Variants in ONECUT3 observed in about 807,000 individuals in gnomAD.
The protein encoded by ONECUT3 is one cut domain family member 3.
In ONECUT3, 11 loss-of-function variants were observed where a neutral mutation model predicts 16.8. The ratio of observed to expected loss-of-function variants is 0.66; its 90% confidence interval spans 0.41 to 1.09. ONECUT3 has a LOEUF of 1.09. ONECUT3 is among the 50% of genes least tolerant of loss of function. ONECUT3 has a pLI of 0.00. For missense variants in ONECUT3, 637 were observed against 629.9 expected, an observed-to-expected ratio of 1.01 and a Z score of -0.12; for synonymous variants, 344 against 310.7, an observed-to-expected ratio of 1.11 and a Z score of -1.13.
rs1461014469 is a variant in ONECUT3 at position 1,778,067 on chromosome 19, C to T, written c.*2622C>T. 6.8e-6 allele frequency: 1 copy of T among 146,464 alleles called. No individual in the cohort carries two copies. Among genetic ancestry groups the T allele is most frequent in the African/African-American group, 2.5e-5 (1 of 39,330 alleles). 9.1% of individuals were successfully genotyped at this position (146,464 alleles called of 1,614,324 possible). A position where few individuals can be genotyped will look rare whatever the true frequency, so the allele number is the denominator to read the frequency against. On this transcript the variant is annotated 3_prime_UTR_variant, in exon 2 of 2. Transcript: ENST00000382349. ...CCATTCAACATACCATATTATTTGT[C>T]TTTATACCAAGGTAGCCTATAGATA...
In ONECUT3 at chr19:1,780,836, G is replaced by C. The variant is rs1295788768; in HGVS notation, c.*5391G>C. ...AAGAGCCAGGAGGCCCTGCGGCCTT[G>C]AGTGTTTTGAATAGACTGGAACTGA... On this transcript the variant is annotated 3_prime_UTR_variant, in exon 2 of 2. Coordinates refer to ENST00000382349, the MANE Select transcript of ONECUT3 (RefSeq NM_001080488.2). 6.6e-6 allele frequency: 1 copy of C among 152,146 alleles called. No homozygotes were observed. Among genetic ancestry groups the C allele is most frequent in the Non-Finnish European group, 1.5e-5 (1 of 68,058 alleles). The allele number at this position is 152,146 out of a possible 1,614,324, so 9.4% of individuals were successfully genotyped here.
rs1253824039 is a variant in ONECUT3 at position 1,764,520 on chromosome 19, T to C, written c.1192+9666T>C. ...GCGTGAGATGTGGGCAGGGCAGGCA[T>C]GGGGAGGGTAAGCCACCCAGAGTGG... On this transcript the variant is annotated intron_variant, in intron 1 of 1. Transcript: ENST00000382349. The surrounding 1 kb of genome is among the most constrained non-coding windows in gnomAD (Gnocchi z 5.0). 6.7e-6 allele frequency among the ~76,000 whole-genome samples: 1 copy of C among 148,344 alleles called. No individual in the cohort carries two copies. The highest frequency in any genetic ancestry group is 2.0e-4 in the East Asian group (1 of 5,018).
intron 1 of ONECUT3, among the ~76,000 whole-genome samples, chr19:1,763,894 G>A (rs972344684): frequency 3.3e-5 from 5 of 152,034 alleles, no homozygotes; most frequent in African/African-American, 1.2e-4. Context: ...TCCCCGCCCC[G>A]CTGACATTTA....
intron 1 of ONECUT3, among the ~76,000 whole-genome samples, chr19:1,773,073 T>G (rs752427874): frequency 1.1e-4 from 17 of 152,116 alleles, no homozygotes; most frequent in Non-Finnish European, 1.2e-4. Context: ...ATATTCACAT[T>G]TTAAGAGCAT....
At chr19:1,763,487 A>G (rs1392931510) in intron 1 of ONECUT3, among the ~76,000 whole-genome samples, 1 of 150,854 alleles carries the variant, frequency 6.6e-6, no homozygotes, top group Non-Finnish European at 1.5e-5. Flanking sequence ...TCGAGGCTGC[A>G]GTGAGACATG....
In ONECUT3 at chr19:1,762,268, C is replaced by T. The variant is rs935965306; in HGVS notation, c.1192+7414C>T. 1.3e-5 allele frequency among the ~76,000 whole-genome samples: 2 copies of T among 152,206 alleles called. No homozygotes were observed. The highest frequency in any genetic ancestry group is 2.9e-5 in the Non-Finnish European group (2 of 68,024). ...CCAGCCCTCCAACCCTCCTGCCCTC[C>T]TGCCCTCCTGCCCTCCTCTCTGGGA... is the stretch of plus-strand genomic sequence containing the variant. On this transcript the variant is annotated intron_variant, in intron 1 of 1. Transcript: ENST00000382349. The surrounding 1 kb of genome is among the most constrained non-coding windows in gnomAD (Gnocchi z 4.4).
intron 1 of ONECUT3, among the ~76,000 whole-genome samples, chr19:1,771,312 C>CT (rs1442443655): frequency 6.6e-6 from 1 of 152,118 alleles, no homozygotes; most frequent in African/African-American, 2.4e-5. Context: ...CCACACCATC[C>CT]TTTTTTTATT....
chr19:1,758,209 C>A lies in ONECUT3; in HGVS notation c.1192+3355C>A, dbSNP rs1206905601. ...AAACCAGAGAGTGGGGAGGGAGAGA[C>A]CGGGAGCGGGAGAAACAGACGGGGA... On this transcript the variant is annotated intron_variant, in intron 1 of 1. Transcript: ENST00000382349. This position sits in a 1 kb window ranked among gnomAD's most constrained non-coding sequence, Gnocchi z 5.9. Among the ~76,000 whole-genome samples, 6 of 150,770 alleles carry A rather than the reference C, an allele frequency of 4.0e-5. No individual in the cohort carries two copies. The highest frequency in any genetic ancestry group is 8.8e-5 in the Non-Finnish European group (6 of 67,808).
chr19:1,763,371 A>AAAAAAAATAAAT (rs1243921573), intron 1 of ONECUT3, among the ~76,000 whole-genome samples: 2 of 91,632 alleles, frequency 2.2e-5, no homozygotes, highest in East Asian at 8.1e-4. Flanking sequence ...CATCTCAAAA[A>AAAAAAAATAAAT]AAAAAAAAAA....
In ONECUT3 at chr19:1,776,736, T is replaced by C. The variant is rs1003922; in HGVS notation, c.*1291T>C. The stretch of plus-strand genomic sequence containing the variant: ...CCTCCGGGGGTTCAAGATCCGAGTC[T>C]AGAAGGAACCTCCTCCCTGAAATCC... On this transcript the variant is annotated 3_prime_UTR_variant, in exon 2 of 2. Transcript: ENST00000382349. The surrounding 1 kb of genome is among the most constrained non-coding windows in gnomAD (Gnocchi z 4.9). 122,314 of 149,656 alleles carry C rather than the reference T, an allele frequency of 0.82. 50,277 individuals carry two copies. The highest frequency in any genetic ancestry group is 0.86 in the African/African-American group (34,735 of 40,552). The allele number at this position is 149,656 out of a possible 1,614,324, so 9.3% of individuals were successfully genotyped here. A position where few individuals can be genotyped will look rare whatever the true frequency, so the allele number is the denominator to read the frequency against.
chr19:1,775,057 T>TC (rs1474250308), intron 1 of ONECUT3, 96 bp from the exon 2 acceptor site: 5 of 749,140 alleles, frequency 6.7e-6, no homozygotes, highest in Non-Finnish European at 4.1e-6. Context: ...CCCCTCCTCC[T>TC]CATCCTCCGG....
At chr19:1,768,240 C>T (rs2068011573) in intron 1 of ONECUT3, among the ~76,000 whole-genome samples, 2 of 143,618 alleles carry the variant, frequency 1.4e-5, no homozygotes, top group Admixed American at 7.2e-5. Context: ...GGTAGCCTCG[C>T]AGGGAAGGAG....
chr19:1,766,817 C>G lies in ONECUT3; in HGVS notation c.1193-8336C>G, dbSNP rs914785686. Among the ~76,000 whole-genome samples the G allele has an allele frequency of 6.6e-6, 1 of 152,014 alleles. No homozygotes were observed. The highest frequency in any genetic ancestry group is 1.5e-5 in the Non-Finnish European group (1 of 67,992). On this transcript the variant is annotated intron_variant, in intron 1 of 1. Coordinates refer to ENST00000382349, the MANE Select transcript of ONECUT3 (RefSeq NM_001080488.2). The surrounding 1 kb of genome is among the most constrained non-coding windows in gnomAD (Gnocchi z 4.0). ...TGCAGGCTGGGCTGAGACCCCCCCC[C>G]CATGCTCCACCACCCTCGTGTAGGA...
rs367721931 is a variant in ONECUT3 at position 1,766,204 on chromosome 19, G to C, written c.1193-8949G>C. ...GCCACCCACCCACCCACAGCACCTC[G>C]CTCAGACTTCGCCCTCCACCCCGCC... On this transcript the variant is annotated intron_variant, in intron 1 of 1. Coordinates refer to ENST00000382349, the MANE Select transcript of ONECUT3 (RefSeq NM_001080488.2). The surrounding 1 kb of genome is among the most constrained non-coding windows in gnomAD (Gnocchi z 4.0). 2.6e-5 allele frequency among the ~76,000 whole-genome samples: 4 copies of C among 151,372 alleles called. No homozygotes were observed. Among genetic ancestry groups the C allele is most frequent in the Admixed American group, 1.3e-4 (2 of 15,236 alleles).
Position 1,754,970 on chromosome 19 carries a change from C to G in ONECUT3, c.1192+116C>G. ...GCGCCCCAAGCCCCGCCCGTGCGCC[C>G]CGGCAGCCCGGGACCCCCTATCAGG... On this transcript the variant is annotated intron_variant, in intron 1 of 1. Transcript: ENST00000382349. The surrounding 1 kb of genome is among the most constrained non-coding windows in gnomAD (Gnocchi z 7.4). The G allele has an allele frequency of 8.1e-7, 1 of 1,236,134 alleles. No homozygotes were observed. Among genetic ancestry groups the G allele is most frequent in the Non-Finnish European group, 1.0e-6 (1 of 979,598 alleles). The allele number at this position is 1,236,134 out of a possible 1,614,324, so 76.6% of individuals were successfully genotyped here.
rs370113974 is a variant in ONECUT3, at chr19:1,764,798, C to CGG, written c.1192+9952_1192+9953dup. On this transcript the variant is annotated intron_variant, in intron 1 of 1. Transcript: ENST00000382349. The surrounding 1 kb of genome is among the most constrained non-coding windows in gnomAD (Gnocchi z 5.0). ...CACTGACTCGAGTCTGGAGAGGCCA[C>CGG]GGGGGGGGGATGCGCAGGGGGGACA... is the stretch of plus-strand genomic sequence containing the variant. Among the ~76,000 whole-genome samples the CGG allele has an allele frequency of 5.5e-4, 53 of 96,330 alleles. 1 individual carries two copies. The highest frequency in any genetic ancestry group is 1.8e-3 in the African/African-American group (48 of 27,322). The allele number at this position is 96,330 out of a possible 152,430, so 63.2% of individuals were successfully genotyped here. A position where few individuals can be genotyped will look rare whatever the true frequency, so the allele number is the denominator to read the frequency against.
rs1316207029 is a variant in ONECUT3, at chr19:1,758,060, A to G, written c.1192+3206A>G. On this transcript the variant is annotated intron_variant, in intron 1 of 1. Coordinates refer to ENST00000382349, the MANE Select transcript of ONECUT3 (RefSeq NM_001080488.2). The surrounding 1 kb of genome is among the most constrained non-coding windows in gnomAD (Gnocchi z 5.9). ...GGGCCACGCGTTTCCGCAGGTGCCG[A>G]GTGTCCTGCCGGGCGCCGGGGCCAG... Among the ~76,000 whole-genome samples the G allele has an allele frequency of 6.6e-6, 1 of 152,000 alleles. No individual in the cohort carries two copies. Among genetic ancestry groups the G allele is most frequent in the Non-Finnish European group, 1.5e-5 (1 of 68,000 alleles).
At chr19:1,767,082 A>G (rs2067999061) in intron 1 of ONECUT3, among the ~76,000 whole-genome samples, 1 of 151,752 alleles carries the variant, frequency 6.6e-6, no homozygotes, top group Non-Finnish European at 1.5e-5. Flanking sequence ...GAGTGACCCA[A>G]CTTTCTACTC....
chr19:1,769,384 C>T (rs12973178), intron 1 of ONECUT3, among the ~76,000 whole-genome samples: 1 of 151,936 alleles, frequency 6.6e-6, no homozygotes, highest in Non-Finnish European at 1.5e-5. Context: ...GTGGAGGTCG[C>T]GTGGCAGAGG....
Sources: allele counts gnomAD v4.1 joint callset (sites outside exome capture counted in the v4.1 genomes callset), GRCh38; gene constraint gnomAD v4.1.1; non-coding constraint Gnocchi (gnomAD v3.1); transcripts MANE v1.5; gene names NCBI Gene and HGNC (gene_info 2026-07-23, HGNC 2026-07-21).